Variants in CDC73 observed in about 807,000 individuals in gnomAD.
CDC73 encodes the protein cell division cycle 73, also known as parafibromin.
CDC73 carries 21 observed loss-of-function variants against 83.7 expected under a neutral mutation model. That is an observed-to-expected ratio of 0.25 (90% CI 0.18 to 0.36). The LOEUF is 0.36. Among genes scored for constraint, CDC73 ranks in the 10% least tolerant of loss-of-function variants. The probability of loss-of-function intolerance (pLI) is 1.00; values close to 1 mark genes in which losing one functional copy is unlikely to be tolerated. For synonymous variants in CDC73, 224 were observed against 212.9 expected (o/e 1.05, Z -0.45); for missense variants, 342 against 653.3 (o/e 0.52, Z 5.19).
chr1:193,160,046 A>C (rs1381577741), intron 10 of CDC73, among the ~76,000 whole-genome samples: 5 of 152,178 alleles, frequency 3.3e-5, no homozygotes, highest in Non-Finnish European at 7.4e-5. Flanking sequence ...AGATTTATTG[A>C]AAATCCATTG....
intron 10 of CDC73, among the ~76,000 whole-genome samples, chr1:193,190,526 A>G (rs77684293): frequency 6.6e-6 from 1 of 152,382 alleles, no homozygotes; most frequent in East Asian, 1.9e-4. Context: ...CTGATTGCAA[A>G]TAAGCAATCT....
At chr1:193,210,897 A>G (rs1219127113) in intron 11 of CDC73, among the ~76,000 whole-genome samples, 5 of 152,248 alleles carry the variant, frequency 3.3e-5, no homozygotes, top group African/African-American at 4.8e-5. Context: ...AAAAAAAATA[A>G]AAGGAATCTT....
intron 7 of CDC73, among the ~76,000 whole-genome samples, 193 bp downstream of exon 7, chr1:193,142,259 A>G (rs1675919351): frequency 1.3e-5 from 2 of 152,148 alleles, no homozygotes; most frequent in South Asian, 4.1e-4. Context: ...TGGTTGTTAG[A>G]CATCAGAGAT....
chr1:193,159,156 T>G (rs912731392), intron 10 of CDC73, among the ~76,000 whole-genome samples: 55 of 152,278 alleles, frequency 3.6e-4, no homozygotes, highest in African/African-American at 1.2e-3. Context: ...AATGTTCTGG[T>G]TATAGATTTG....
chr1:193,150,170 C>T, intron 8 of CDC73, 134 bp from the exon 9 acceptor site: 1 of 679,874 alleles, frequency 1.5e-6, no homozygotes, highest in Non-Finnish European at 2.7e-6. Context: ...ACTTGGAAGG[C>T]TGAGGTGGGA....
intron 13 of CDC73, among the ~76,000 whole-genome samples, chr1:193,215,995 A>G (rs1032273420): frequency 5.3e-5 from 8 of 152,210 alleles, no homozygotes; most frequent in South Asian, 2.1e-4. Context: ...CTAAATGCCT[A>G]TATCACGAAG....
intron 13 of CDC73, among the ~76,000 whole-genome samples, chr1:193,223,231 TTA>T (rs1037471855): frequency 8.9e-5 from 8 of 89,766 alleles, no homozygotes; most frequent in Non-Finnish European, 1.6e-4. Context: ...ACTGTTCATT[TTA>T]TTTTTTTTTT....
intron 10 of CDC73, among the ~76,000 whole-genome samples, chr1:193,199,023 T>A (rs1175455208): frequency 1.3e-5 from 2 of 152,170 alleles, no homozygotes; most frequent in Admixed American, 6.5e-5. Context: ...ATTTTTAAAT[T>A]TTATAGCCCT....
chr1:193,155,525 C>T (rs1431639579), intron 10 of CDC73, among the ~76,000 whole-genome samples: 7 of 152,172 alleles, frequency 4.6e-5, no homozygotes, highest in Non-Finnish European at 1.0e-4. Flanking sequence ...TGCCTGTAAT[C>T]CCAGCACTTT....
At chr1:193,158,026 CTTAA>C (rs1418452175) in intron 10 of CDC73, among the ~76,000 whole-genome samples, 2 of 151,402 alleles carry the variant, frequency 1.3e-5, no homozygotes, top group Non-Finnish European at 2.9e-5. Context: ...ATTCTGTAAA[CTTAA>C]TTAGATGTAT....
At chr1:193,180,111 CT>C in intron 10 of CDC73, 1 of 514,780 alleles carries the variant, frequency 1.9e-6, no homozygotes, top group Non-Finnish European at 3.1e-6. Flanking sequence ...TTTGGGAAAC[CT>C]TTTTTGTTAT....
At chr1:193,126,184 C>G (rs1387566735) in intron 2 of CDC73, among the ~76,000 whole-genome samples, 2 of 152,172 alleles carry the variant, frequency 1.3e-5, no homozygotes, top group African/African-American at 4.8e-5. Context: ...TACTTCAGAA[C>G]TCTAGTTTAA....
Position 193,197,927 on chromosome 1 carries a change from C to CAAAA in CDC73, c.973-5851_973-5848dup, listed in dbSNP as rs61392426. ...GCAACAAAGTGAGATACCATCTCAC[C>CAAAA]AAAAAAAAAAAAAAAAAAAAGTGTA... is the stretch of plus-strand genomic sequence containing the variant. On this transcript the variant is annotated intron_variant, in intron 10 of 16. Coordinates refer to ENST00000367435, the MANE Select transcript of CDC73 (RefSeq NM_024529.5). Among the ~76,000 whole-genome samples, 533 of 73,200 alleles carry CAAAA rather than the reference C, an allele frequency of 7.3e-3. 5 individuals carry two copies. Among genetic ancestry groups the CAAAA allele is most frequent in the African/African-American group, 0.022 (490 of 21,784 alleles). The allele number at this position is 73,200 out of a possible 152,430, so 48.0% of individuals were successfully genotyped here. A position where few individuals can be genotyped will look rare whatever the true frequency, so the allele number is the denominator to read the frequency against.
At chr1:193,146,335 G>T (rs1676000167) in intron 7 of CDC73, among the ~76,000 whole-genome samples, 1 of 152,186 alleles carries the variant, frequency 6.6e-6, no homozygotes. Flanking sequence ...AAGTATCTTT[G>T]TCTGTTTTGT....
chr1:193,238,716 A>G, intron 15 of CDC73, among the ~76,000 whole-genome samples: 1 of 152,230 alleles, frequency 6.6e-6, no homozygotes. Flanking sequence ...ACATGTTAGC[A>G]TTGTATACTG....
intron 10 of CDC73, chr1:193,180,537 T>C (rs746859596): frequency 1.5e-5 from 25 of 1,613,952 alleles, no homozygotes; most frequent in African/African-American, 1.5e-4. Flanking sequence ...TCCCTACATA[T>C]ACATCTTCCA....
chr1:193,150,155 C>A, intron 8 of CDC73, 149 bp from the exon 9 acceptor site: 1 of 652,966 alleles, frequency 1.5e-6, no homozygotes, highest in Non-Finnish European at 2.8e-6. Context: ...CCTGTGGTCC[C>A]AGCTACTTGG....
Position 193,138,676 on chromosome 1 carries a change from C to A in CDC73, c.512+503C>A, listed in dbSNP as rs536349256. ...CTCTACTTGAAGTTGTTTGACAGCT[C>A]ACTTACATTCTTTTCTTTTTTTTGG... On this transcript the variant is annotated intron_variant, in intron 6 of 16. Coordinates refer to ENST00000367435, the MANE Select transcript of CDC73 (RefSeq NM_024529.5). Among the ~76,000 whole-genome samples the A allele has an allele frequency of 3.9e-5, 6 of 152,056 alleles. No homozygotes were observed. The South Asian group carries it at 1.2e-3, about 32-fold the overall frequency.
At chr1:193,169,605 T>C (rs1164061504) in intron 10 of CDC73, among the ~76,000 whole-genome samples, 1 of 152,190 alleles carries the variant, frequency 6.6e-6, no homozygotes, top group Admixed American at 6.5e-5. Context: ...CTGATGCCTA[T>C]GTACTGTAGA....
Sources: allele counts gnomAD v4.1 joint callset (sites outside exome capture counted in the v4.1 genomes callset), GRCh38; gene constraint gnomAD v4.1.1; transcripts MANE v1.5; gene names NCBI Gene and HGNC (gene_info 2026-07-23, HGNC 2026-07-21).